The following ATP2B2 variants were observed in gnomAD, a reference collection of about 807,000 sequenced individuals.
ATP2B2 encodes plasma membrane calcium-transporting ATPase 2.
ATP2B2 carries 15 observed loss-of-function variants against 120.0 expected under a neutral mutation model. That is an observed-to-expected ratio of 0.12 (90% CI 0.08 to 0.19). The LOEUF is 0.19. ATP2B2 is among the 10% of genes least tolerant of loss of function. The probability of loss-of-function intolerance (pLI) is 1.00; values close to 1 mark genes in which losing one functional copy is unlikely to be tolerated. For synonymous variants in ATP2B2, 694 were observed against 700.3 expected (o/e 0.99, Z 0.14); for missense variants, 1,045 against 1,719.8 (o/e 0.61, Z 6.94).
chr3:10,379,402 T>C, intron 8 of ATP2B2, 118 bp from the exon 9 acceptor site: 3 of 1,148,470 alleles, frequency 2.6e-6, no homozygotes, highest in Admixed American at 1.9e-5. Context: ...CCGTGCTGAC[T>C]GCATCCCTCT....
At chr3:10,669,643 C>T (rs74499345) in intron 1 of ATP2B2, among the ~76,000 whole-genome samples, 4,050 of 152,278 alleles carry the variant, frequency 0.027, 78 homozygotes, top group South Asian at 0.09. Flanking sequence ...AATTTCAATG[C>T]GGGCTATCCA....
intron 2 of ATP2B2, among the ~76,000 whole-genome samples, chr3:10,604,815 A>G (rs941525642): frequency 1.3e-5 from 2 of 152,102 alleles, no homozygotes; most frequent in Admixed American, 1.3e-4. Context: ...CCACCACTCC[A>G]TATTGTCTTC....
intron 3 of ATP2B2, among the ~76,000 whole-genome samples, chr3:10,512,480 A>ACG (rs2066788520): frequency 6.8e-6 from 1 of 147,374 alleles, no homozygotes; most frequent in African/African-American, 2.6e-5. Flanking sequence ...ACACACACAC[A>ACG]CACACACACA....
Position 10,410,646 on chromosome 3 carries a change from G to C in ATP2B2, c.369C>G (p.Phe123Leu), listed in dbSNP as rs779821154. The C allele has an allele frequency of 5.6e-6, 9 of 1,609,956 alleles. No individual in the cohort carries two copies. Among genetic ancestry groups the C allele is most frequent in the Non-Finnish European group, 7.6e-6 (9 of 1,176,642 alleles). ...CGTTGCCCTCGCCGGGCGGGTGGTA[G>C]AAGGACAGCCCCAGGGAGATGATGG... ...IAAIISLGLS[F>L]YHPPGEGNEG... is the part of the protein sequence containing the mutation. Residue 123 changes from phenylalanine to leucine, a missense_variant, in exon 3 of 23, where the codon TTC (phenylalanine) becomes TTG (leucine). Transcript: ENST00000360273.
chr3:10,633,682 A>T (rs1037704622), intron 1 of ATP2B2, among the ~76,000 whole-genome samples: 1 of 152,216 alleles, frequency 6.6e-6, no homozygotes, highest in African/African-American at 2.4e-5. Context: ...AGGTAGACTA[A>T]CTTAACTTTT....
At chr3:10,415,919 C>T (rs552475149) in intron 2 of ATP2B2, among the ~76,000 whole-genome samples, 27 of 152,252 alleles carry the variant, frequency 1.8e-4, no homozygotes, top group African/African-American at 5.8e-4. Context: ...AGAGGAGGAG[C>T]CAGGTTTTGG....
rs540486886 is a variant in ATP2B2, at chr3:10,485,081, T to A, written c.-320+20384A>T. 2.3e-3 allele frequency among the ~76,000 whole-genome samples: 346 copies of A among 151,370 alleles called. 1 individual carries two copies. The highest frequency in any genetic ancestry group is 4.6e-3 in the South Asian group (22 of 4,746). On this transcript the variant is annotated intron_variant, in intron 1 of 22. Transcript: ENST00000360273. ...GGTCTTGTGTGCCTTCAGGAAGGGG[T>A]GTGAGAGGAGGGAGACAGAGGCAAG...
At position 10,580,076 on chromosome 3, in the gene ATP2B2, C is replaced by T. The variant is rs114832265; in HGVS notation, c.-415+39841G>A. Reference sequence around the variant, plus strand: ...TCCCACCCACTGACAGCCACTCTTCCGGTCATCCTACATCAACAGGGGGAG... The same window carrying T: ...TCCCACCCACTGACAGCCACTCTTCTGGTCATCCTACATCAACAGGGGGAG... On this transcript the variant is annotated intron_variant, in intron 2 of 21. Transcript: ENST00000646379. Among the ~76,000 whole-genome samples, 805 of 152,228 alleles carry T rather than the reference C, an allele frequency of 5.3e-3. 8 individuals are homozygous for T. The highest frequency in any genetic ancestry group is 0.018 in the African/African-American group (757 of 41,520).
intron 12 of ATP2B2, among the ~76,000 whole-genome samples, chr3:10,367,335 T>C (rs1050773563): frequency 1.3e-5 from 2 of 152,014 alleles, no homozygotes; most frequent in East Asian, 1.9e-4. Context: ...CACTTGGTGG[T>C]GAGCAGCGAC....
At chr3:10,519,204 C>A (rs1248742578) in intron 3 of ATP2B2, among the ~76,000 whole-genome samples, 1 of 152,208 alleles carries the variant, frequency 6.6e-6, no homozygotes, top group Non-Finnish European at 1.5e-5. Context: ...ACTCCGGGCA[C>A]TGTGCTGAAC....
chr3:10,344,090 C>A (rs1175403831), intron 18 of ATP2B2, among the ~76,000 whole-genome samples: 1 of 152,104 alleles, frequency 6.6e-6, no homozygotes, highest in Non-Finnish European at 1.5e-5. Context: ...CTCCTCCTTG[C>A]CTCAGCCTCG....
intron 3 of ATP2B2, among the ~76,000 whole-genome samples, chr3:10,404,210 C>A (rs530985592): frequency 8.7e-4 from 132 of 152,358 alleles, no homozygotes; most frequent in African/African-American, 3.1e-3. Context: ...AGGTCTTGCA[C>A]TGAACCAGCC....
chr3:10,366,239 C>T (rs572821641), intron 12 of ATP2B2, among the ~76,000 whole-genome samples: 1 of 152,094 alleles, frequency 6.6e-6, no homozygotes, highest in South Asian at 2.1e-4. Flanking sequence ...GTCTCTGCTT[C>T]CCCCCTTCCC....
At chr3:10,584,312 A>G (rs7613069) in intron 2 of ATP2B2, among the ~76,000 whole-genome samples, 17,960 of 152,142 alleles carry the variant, frequency 0.12, 2,153 homozygotes, top group African/African-American at 0.3. Context: ...GGCAGCGGGA[A>G]CACCTGGAGT....
At chr3:10,382,920 T>C (rs1427681092) in intron 8 of ATP2B2, among the ~76,000 whole-genome samples, 1 of 151,712 alleles carries the variant, frequency 6.6e-6, no homozygotes, top group Non-Finnish European at 1.5e-5. Flanking sequence ...CTTAATTCTC[T>C]CTCAATCGGC....
rs375922973 is a variant in ATP2B2 at position 10,687,321 on chromosome 3, C to T, written c.-460+20594G>A. 8.6e-5 allele frequency among the ~76,000 whole-genome samples: 13 copies of T among 152,018 alleles called. No homozygotes were observed. The South Asian group carries it at 2.3e-3, about 27-fold the overall frequency. The stretch of plus-strand genomic sequence containing the variant: ...TCCTCATAAAATGCTCAGTACAGTG[C>T]CTGGTGCAGACGGAGTGCCCAGGCA... On this transcript the variant is annotated intron_variant, in intron 1 of 21. Transcript: ENST00000646379.
intron 2 of ATP2B2, among the ~76,000 whole-genome samples, chr3:10,587,801 G>A (rs79287535): frequency 9.5e-4 from 145 of 152,176 alleles, no homozygotes; most frequent in South Asian, 5.4e-3. Flanking sequence ...CTCTTAGTGC[G>A]TAGAAACAAG....
rs1344210641 is a variant in ATP2B2 at position 10,402,566 on chromosome 3, G to A, written c.398-218C>T. Among the ~76,000 whole-genome samples the A allele has an allele frequency of 2.0e-5, 3 of 152,274 alleles. No individual in the cohort carries two copies. Among genetic ancestry groups the A allele is most frequent in the Non-Finnish European group, 4.4e-5 (3 of 68,048 alleles). Reference sequence around the variant, plus strand: ...CGCTGCCCATTTCACAGATGTGGAAGCTGAGGTTTCTCAGAGAGGTCAGGT... The same window carrying A: ...CGCTGCCCATTTCACAGATGTGGAAACTGAGGTTTCTCAGAGAGGTCAGGT... On this transcript the variant is annotated intron_variant, in intron 3 of 22. Coordinates refer to ENST00000360273, the MANE Select transcript of ATP2B2 (RefSeq NM_001001331.4). This position sits in a 1 kb window ranked among gnomAD's most constrained non-coding sequence, Gnocchi z 4.9.
At chr3:10,672,462 T>C (rs1356844911) in intron 1 of ATP2B2, among the ~76,000 whole-genome samples, 2 of 152,236 alleles carry the variant, frequency 1.3e-5, no homozygotes, top group Non-Finnish European at 2.9e-5. Context: ...AAAGCCCTGT[T>C]GTCTTCTAGT....
Sources: gnomAD v4.1 joint callset for allele counts (sites outside exome capture counted in the v4.1 genomes callset) on GRCh38, gnomAD v4.1.1 for gene constraint, Gnocchi (gnomAD v3.1) non-coding constraint, MANE v1.5 for transcripts, NCBI Gene and HGNC (gene_info 2026-07-23, HGNC 2026-07-21) for gene names.